The following AFF4 variants were observed in gnomAD, a reference collection of about 807,000 sequenced individuals.
AFF4 encodes the protein ALF transcription elongation factor 4, also known as AF4/FMR2 family member 4.
In AFF4, 13 loss-of-function variants were observed where a neutral mutation model predicts 124.8. The ratio of observed to expected loss-of-function variants is 0.10; its 90% CI spans 0.07 to 0.17. The LOEUF (loss-of-function observed/expected upper bound fraction) is 0.17. AFF4 is among the 10% of genes least tolerant of loss of function. AFF4 has a pLI of 1.00. For missense variants in AFF4, 1,092 were observed against 1,403.8 expected (o/e 0.78, Z 3.55); for synonymous variants, 477 against 496.1 (o/e 0.96, Z 0.51).
rs141068875 is a variant in AFF4 at position 132,934,235 on chromosome 5, C to A, written c.830G>T (p.Ser277Ile). The A allele has an allele frequency of 4.3e-6, 7 of 1,614,064 alleles. No individual in the cohort carries two copies. In the Middle Eastern group the frequency reaches 4.9e-4, roughly 114 times the overall value. ...AGTCATGCTGTTGCCATGGGATTGGCTGCTGTAGTGCTCAGAGGACAGCTT... is the reference window on the plus strand; with the variant it reads ...AGTCATGCTGTTGCCATGGGATTGGATGCTGTAGTGCTCAGAGGACAGCTT... ...EPKLSSEHYS[S>I]QSHGNSMTEL... is the part of the protein sequence containing the mutation. Residue 277 changes from serine to isoleucine, a missense_variant, in exon 3 of 21, where the codon AGC (serine) becomes ATC (isoleucine). Around this residue, in one of 11 missense-constraint regions of AFF4, gnomAD observed 148 missense variants for 196.3 expected, o/e 0.75. Transcript: ENST00000265343.
At position 132,884,930 on chromosome 5, in the gene AFF4, G is replaced by T. The variant is rs1760076220; in HGVS notation, c.3143+146C>A. ...ATTTTCAATTCCTAAAAAATACAGA[G>T]AAAAAATTATAACTTCTAAAAATAT... On this transcript the variant is annotated intron_variant, in intron 19 of 20. Transcript: ENST00000265343. The T allele has an allele frequency of 5.4e-6, 3 of 550,930 alleles. No homozygotes were observed. In the African/African-American group the frequency reaches 5.9e-5, roughly 11 times the overall value. 34.1% of individuals were successfully genotyped at this position (550,930 alleles called of 1,614,324 possible).
chr5:132,947,705 T>A (rs1425068433), intron 1 of AFF4, among the ~76,000 whole-genome samples: 1 of 152,154 alleles, frequency 6.6e-6, no homozygotes, highest in African/African-American at 2.4e-5. Context: ...GCCTCAACAG[T>A]ACATAAATCC....
At chr5:132,928,405 C>A (rs1761226367) in intron 4 of AFF4, among the ~76,000 whole-genome samples, 1 of 152,140 alleles carries the variant, frequency 6.6e-6, no homozygotes, top group Admixed American at 6.5e-5. Flanking sequence ...TCCAGCTTGT[C>A]CGACCTCAGA....
chr5:132,896,547 G>A lies in AFF4; in HGVS notation c.2083C>T (p.Pro695Ser). 1 of 1,614,014 alleles carries A rather than the reference G, an allele frequency of 6.2e-7. No individual in the cohort carries two copies. The highest frequency in any genetic ancestry group is 8.5e-7 in the Non-Finnish European group (1 of 1,179,988). ...DSFFRQRMFS[P>S]MEEKELLSPL... ...GAAAGAAGTTCCTTCTCTTCCATAGGAGAGAACATTCGTTGCCGAAAAAAG... is the reference window on the plus strand; with the variant it reads ...GAAAGAAGTTCCTTCTCTTCCATAGAAGAGAACATTCGTTGCCGAAAAAAG... Residue 695 changes from proline to serine, a missense_variant, in exon 11 of 21, where the codon CCT (proline) becomes TCT (serine). Coordinates refer to ENST00000265343, the MANE Select transcript of AFF4 (RefSeq NM_014423.4).
chr5:132,943,956 T>A (rs1761634466), intron 1 of AFF4: 1 of 157,630 alleles, frequency 6.3e-6, no homozygotes, highest in Non-Finnish European at 1.4e-5. Flanking sequence ...CCATCTTTGA[T>A]AAAATTCCTG....
At chr5:132,882,383 G>T (rs193239978) in intron 20 of AFF4, among the ~76,000 whole-genome samples, 2 of 152,076 alleles carry the variant, frequency 1.3e-5, no homozygotes, top group Non-Finnish European at 2.9e-5. Flanking sequence ...TCTCTGTAAA[G>T]GATCTGCCTA....
chr5:132,958,617 A>G (rs1762012931), intron 1 of AFF4, among the ~76,000 whole-genome samples: 1 of 152,180 alleles, frequency 6.6e-6, no homozygotes, highest in African/African-American at 2.4e-5. Flanking sequence ...AAATTTTAAC[A>G]GGTAAGAAAC....
At chr5:132,921,480 T>A (rs1319808341) in intron 5 of AFF4, among the ~76,000 whole-genome samples, 1 of 151,318 alleles carries the variant, frequency 6.6e-6, no homozygotes, top group Non-Finnish European at 1.5e-5. Context: ...TTTCTTTTTT[T>A]TTTTTTTGAG....
intron 1 of AFF4, among the ~76,000 whole-genome samples, chr5:132,944,347 C>A (rs1761646672): frequency 6.7e-6 from 1 of 149,188 alleles, no homozygotes; most frequent in South Asian, 2.2e-4. Flanking sequence ...CAAAAAAAAA[C>A]AGAGGATAAG....
chr5:132,910,260 G>GGA (rs1394646499), intron 5 of AFF4, among the ~76,000 whole-genome samples: 1 of 152,218 alleles, frequency 6.6e-6, no homozygotes, highest in East Asian at 1.9e-4. Flanking sequence ...ACCAATTCAA[G>GGA]GAGAGAGATG....
chr5:132,904,577 G>C (rs1760627728), intron 5 of AFF4, among the ~76,000 whole-genome samples, 173 bp from the exon 6 acceptor site: 1 of 152,148 alleles, frequency 6.6e-6, no homozygotes, highest in South Asian at 2.1e-4. Context: ...CTTTCCCAGA[G>C]ATTAATACAA....
At chr5:132,884,598 G>A (rs961624759) in intron 19 of AFF4, among the ~76,000 whole-genome samples, 3 of 152,152 alleles carry the variant, frequency 2.0e-5, no homozygotes, top group Admixed American at 6.5e-5. Flanking sequence ...AATACACACA[G>A]GACAAAGAAT....
Position 132,934,499 on chromosome 5 carries a change from GAAGA to G in AFF4, c.562_565del (p.Ser188HisfsTer2). On this transcript the variant is annotated frameshift_variant, in exon 3 of 21. Transcript: ENST00000265343. LOFTEE classifies it high-confidence loss of function. ...AGACCTGGAATGACTAGAGTTTAAT[GAAGA>G]AACAGCCTGGGGTTTTCCAGGGCTG... The G allele has an allele frequency of 6.2e-7, 1 of 1,614,168 alleles. No individual in the cohort carries two copies. Among genetic ancestry groups the G allele is most frequent in the East Asian group, 2.2e-5 (1 of 44,886 alleles).
intron 1 of AFF4, among the ~76,000 whole-genome samples, chr5:132,954,660 G>C (rs1333464578): frequency 6.8e-6 from 1 of 146,880 alleles, no homozygotes; most frequent in Admixed American, 7.0e-5. Context: ...CCATTCTCCT[G>C]CCTCAGCCTC....
intron 1 of AFF4, among the ~76,000 whole-genome samples, chr5:132,947,716 C>G (rs1297309750): frequency 6.6e-6 from 1 of 152,188 alleles, no homozygotes; most frequent in Non-Finnish European, 1.5e-5. Context: ...ACATAAATCC[C>G]TCTTGGCCTC....
chr5:132,907,276 T>A (rs554110386), intron 5 of AFF4, among the ~76,000 whole-genome samples: 1 of 152,268 alleles, frequency 6.6e-6, no homozygotes, highest in South Asian at 2.1e-4. Context: ...TTTACCCTTC[T>A]ACAGCCCAAG....
In AFF4 at chr5:132,880,136, T is replaced by A. The variant is rs1321686273; in HGVS notation, c.*923A>T. ...CAGGCGGCAATCCTCAGGAGTTGGA[T>A]CATCCTTTTTTCCACAGTAACTTAT... On this transcript the variant is annotated 3_prime_UTR_variant, in exon 21 of 21. Transcript: ENST00000265343. 2.5e-6 allele frequency: 1 copy of A among 398,286 alleles called. No individual in the cohort carries two copies. The highest frequency in any genetic ancestry group is 4.4e-6 in the Non-Finnish European group (1 of 225,868). 24.7% of individuals were successfully genotyped at this position (398,286 alleles called of 1,614,324 possible). A position where few individuals can be genotyped will look rare whatever the true frequency, so the allele number is the denominator to read the frequency against.
In AFF4 at chr5:132,923,004, G is replaced by A. The variant is rs188431606; in HGVS notation, c.1050+4117C>T. On this transcript the variant is annotated intron_variant, in intron 5 of 20. Transcript: ENST00000265343. ...ATCCTGGCCAACATGGTGAAACCTC[G>A]CCTCTACTAAAAACACAAAAAAGTA... Among the ~76,000 whole-genome samples, 348 of 151,518 alleles carry A rather than the reference G, an allele frequency of 2.3e-3. 2 individuals are homozygous for A. Among genetic ancestry groups the A allele is most frequent in the Non-Finnish European group, 4.2e-3 (282 of 67,870 alleles).
At position 132,902,328 on chromosome 5, in the gene AFF4, G is replaced by A; in HGVS notation, c.1133+114C>T. On this transcript the variant is annotated intron_variant, in intron 7 of 20. Transcript: ENST00000265343. The stretch of plus-strand genomic sequence containing the variant: ...CTCCCAAAGTGCTAGGATTACAGGT[G>A]TCAGCCACCCTGCCCAGCCTCAATA... 5.9e-6 allele frequency: 5 copies of A among 849,294 alleles called. No homozygotes were observed. The South Asian group carries it at 6.2e-5, about 11-fold the overall frequency. The allele number at this position is 849,294 out of a possible 1,614,324, so 52.6% of individuals were successfully genotyped here.
Sources: gnomAD v4.1 joint callset for allele counts (sites outside exome capture counted in the v4.1 genomes callset) on GRCh38, gnomAD v4.1.1 for gene constraint, gnomAD v4.1.1 regional missense constraint, MANE v1.5 for transcripts, NCBI Gene and HGNC (gene_info 2026-07-23, HGNC 2026-07-21) for gene names.